The following EYS variants were observed in gnomAD, a reference collection of about 807,000 sequenced individuals.
The protein encoded by EYS is EGF-like photoreceptor maintenance factor, also known as protein eyes shut homolog.
Under a neutral mutation model 282.1 loss-of-function variants are expected in EYS, and 250 were observed. The observed-to-expected ratio is 0.89, with a 90% CI of 0.80 to 0.98. EYS has a LOEUF of 0.98. EYS is among the 50% of genes least tolerant of loss of function. The pLI, the probability that EYS is intolerant of heterozygous loss-of-function variation, is 0.00. For missense variants in EYS, 4,016 were observed against 3,709.0 expected (o/e 1.08, Z -2.15); for synonymous variants, 1,355 against 1,282.9 (o/e 1.06, Z -1.20).
At chr6:64,046,453 G>C (rs900641008) in intron 33 of EYS, among the ~76,000 whole-genome samples, 14 of 152,014 alleles carry the variant, frequency 9.2e-5, no homozygotes, top group African/African-American at 3.1e-4. Context: ...CAGTGAGCTG[G>C]GAGGACACAT....
In EYS at chr6:65,405,270, G is replaced by A. The variant is rs2150365535; in HGVS notation, c.960C>T (p.Cys320=). The change falls in exon 6 of 43, where the codon TGC becomes TGT. Residue 320 remains cysteine (C), a synonymous_variant. Coordinates refer to ENST00000503581, the MANE Select transcript of EYS (RefSeq NM_001142800.2). ...PNSSSAYTYE[C]PKGSSSQNGE... The stretch of plus-strand genomic sequence containing the variant: ...CATTTTGGCTGGAAGATCCTTTTGG[G>A]CATTCATAAGTATAAGCAGAACTGC... 2 of 1,612,708 alleles carry A rather than the reference G, an allele frequency of 1.2e-6. No homozygotes were observed. The highest frequency in any genetic ancestry group is 1.7e-6 in the Non-Finnish European group (2 of 1,179,190).
chr6:64,649,719 T>C (rs1768488285), intron 22 of EYS, among the ~76,000 whole-genome samples: 1 of 152,176 alleles, frequency 6.6e-6, no homozygotes, highest in Non-Finnish European at 1.5e-5. Flanking sequence ...CTAATTTATC[T>C]GACAAATATC....
intron 2 of EYS, among the ~76,000 whole-genome samples, chr6:65,602,146 T>A (rs929313543): frequency 1.3e-5 from 2 of 151,880 alleles, no homozygotes; most frequent in Admixed American, 6.6e-5. Context: ...ATTTAAAGTA[T>A]CTTGTCAATG....
At chr6:64,142,116 A>G (rs1202023225) in intron 31 of EYS, among the ~76,000 whole-genome samples, 1 of 152,064 alleles carries the variant, frequency 6.6e-6, no homozygotes, top group Non-Finnish European at 1.5e-5. Context: ...GTGGAGAGAA[A>G]AAGATCTTCC....
intron 8 of EYS, among the ~76,000 whole-genome samples, chr6:65,371,269 G>A (rs573865794): frequency 2.0e-5 from 3 of 151,716 alleles, no homozygotes; most frequent in East Asian, 3.9e-4. Context: ...TAAAGTATAT[G>A]GGAGGATGTA....
At chr6:64,848,615 TATA>T (rs1157651953) in intron 19 of EYS, among the ~76,000 whole-genome samples, 1 of 152,100 alleles carries the variant, frequency 6.6e-6, no homozygotes. Flanking sequence ...GGAGGGGCAG[TATA>T]GCAGATCAGG....
intron 8 of EYS, among the ~76,000 whole-genome samples, chr6:65,354,833 AAAAG>A (rs759712802): frequency 2.1e-4 from 32 of 152,212 alleles, no homozygotes; most frequent in Non-Finnish European, 4.4e-4. Context: ...AAAAAAATGA[AAAAG>A]AAAGAAAAAA....
At chr6:65,615,840 G>A (rs2046835) in intron 2 of EYS, among the ~76,000 whole-genome samples, 22,227 of 151,904 alleles carry the variant, frequency 0.15, 1,673 homozygotes, top group South Asian at 0.23. Context: ...AGGCTGAGGC[G>A]AGAGAATGGC....
intron 12 of EYS, among the ~76,000 whole-genome samples, chr6:65,078,045 G>T (rs1352647226): frequency 6.6e-6 from 1 of 152,022 alleles, no homozygotes; most frequent in Non-Finnish European, 1.5e-5. Flanking sequence ...AACTGATTGG[G>T]AAAGTAGCAT....
At chr6:64,527,648 G>T (rs1039633518) in intron 26 of EYS, among the ~76,000 whole-genome samples, 1 of 151,498 alleles carries the variant, frequency 6.6e-6, no homozygotes, top group Non-Finnish European at 1.5e-5. Context: ...AATTAAGAAA[G>T]AAACTTTTGT....
chr6:64,322,115 G>C (rs1173358721), intron 29 of EYS, among the ~76,000 whole-genome samples: 3 of 151,882 alleles, frequency 2.0e-5, no homozygotes, highest in African/African-American at 7.2e-5. Context: ...GTAAGCACAG[G>C]GTCACCATAT....
chr6:65,609,920 C>G (rs946941030), intron 2 of EYS, among the ~76,000 whole-genome samples: 3 of 152,044 alleles, frequency 2.0e-5, no homozygotes, highest in Non-Finnish European at 4.4e-5. Flanking sequence ...AGTTCACACA[C>G]TGGTTATAAA....
chr6:65,160,047 AT>A (rs752516906), intron 12 of EYS, among the ~76,000 whole-genome samples: 36 of 151,036 alleles, frequency 2.4e-4, no homozygotes, highest in Non-Finnish European at 3.7e-4. Flanking sequence ...CCACAATTTG[AT>A]TTTTTGTGCC....
At chr6:65,273,848 T>C (rs1562064714) in intron 12 of EYS, among the ~76,000 whole-genome samples, 1 of 152,206 alleles carries the variant, frequency 6.6e-6, no homozygotes, top group Non-Finnish European at 1.5e-5. Flanking sequence ...ACTGAGCCAG[T>C]GCGTACCTAA....
intron 35 of EYS, among the ~76,000 whole-genome samples, chr6:63,881,841 A>G (rs939586683): frequency 2.0e-4 from 31 of 152,214 alleles, no homozygotes; most frequent in African/African-American, 7.2e-4. Context: ...AAAGTAAAAT[A>G]GAAACAAGAA....
intron 26 of EYS, among the ~76,000 whole-genome samples, chr6:64,579,821 GCA>G (rs1447313966): frequency 7.2e-5 from 11 of 152,048 alleles, no homozygotes; most frequent in Non-Finnish European, 1.5e-4. Context: ...CTGGAATCAA[GCA>G]CTATACTGGC....
intron 8 of EYS, among the ~76,000 whole-genome samples, chr6:65,383,562 T>C (rs9294639): frequency 0.99 from 150,071 of 150,978 alleles, 74,591 homozygotes; most frequent in Non-Finnish European, 1. Flanking sequence ...ATTTTTCTTG[T>C]CTTATTTCTC....
At chr6:65,634,204 C>T (rs956614648) in intron 2 of EYS, among the ~76,000 whole-genome samples, 3 of 152,024 alleles carry the variant, frequency 2.0e-5, no homozygotes, top group East Asian at 1.9e-4. Context: ...CAAATGAGGA[C>T]GGATAGAAAG....
chr6:65,297,130 A>G (rs897659940), intron 11 of EYS, among the ~76,000 whole-genome samples: 1 of 151,318 alleles, frequency 6.6e-6, no homozygotes, highest in Non-Finnish European at 1.5e-5. Context: ...ATAATAATAC[A>G]TTATATAATA....
Sources: gnomAD v4.1 joint callset for allele counts (sites outside exome capture counted in the v4.1 genomes callset) on GRCh38, gnomAD v4.1.1 for gene constraint, MANE v1.5 for transcripts, NCBI Gene and HGNC (gene_info 2026-07-23, HGNC 2026-07-21) for gene names.